The following CNKSR2 variants were observed in gnomAD, a reference collection of about 807,000 sequenced individuals.
CNKSR2 encodes connector enhancer of kinase suppressor of Ras 2, also known as CNK homolog protein 2.
A neutral mutation model predicts 84.4 loss-of-function variants in CNKSR2; 14 were observed. That is an observed-to-expected ratio of 0.17 (90% CI 0.11 to 0.26). The LOEUF (loss-of-function observed/expected upper bound fraction) is 0.26. CNKSR2 is among the 10% of genes least tolerant of loss of function. The probability of loss-of-function intolerance (pLI) is 1.00; values close to 1 mark genes in which losing one functional copy is unlikely to be tolerated. For missense variants in CNKSR2, 485 were observed against 771.2 expected, an observed-to-expected ratio of 0.63 and a Z score of 4.40; for synonymous variants, 275 against 277.9, an observed-to-expected ratio of 0.99 and a Z score of 0.10.
chrX:21,646,042 A>G, intron 20 of CNKSR2: 1 of 111,325 alleles, frequency 9.0e-6, no homozygotes, highest in East Asian at 2.8e-4. Context: ...AATGTTAAGT[A>G]ATTGGTGGCA....
intron 1 of CNKSR2, among the ~76,000 whole-genome samples, chrX:21,387,542 A>G (rs990991207): frequency 1.8e-5 from 2 of 112,074 alleles, no homozygotes; most frequent in African/African-American, 6.5e-5. Flanking sequence ...TAACACTATT[A>G]TCACGCCACC....
At chrX:21,627,627 C>T (rs1022644041) in intron 20 of CNKSR2, among the ~76,000 whole-genome samples, 2 of 111,994 alleles carry the variant, frequency 1.8e-5, no homozygotes, top group South Asian at 7.5e-4. Context: ...ACATGGATGG[C>T]CTCAGGCAAA....
chrX:21,533,372 T>C (rs923576845), intron 11 of CNKSR2, among the ~76,000 whole-genome samples: 3 of 110,598 alleles, frequency 2.7e-5, no homozygotes, highest in African/African-American at 6.5e-5. Context: ...ACTAATTGAC[T>C]GCCTATTACC....
intron 1 of CNKSR2, chrX:21,425,766 C>A (rs1443704294): frequency 2.7e-5 from 3 of 111,559 alleles, no homozygotes; most frequent in African/African-American, 9.8e-5. Flanking sequence ...CAATCTATAG[C>A]CTAGCCAATC....
intron 20 of CNKSR2, among the ~76,000 whole-genome samples, chrX:21,623,941 C>T (rs1682540070): frequency 9.0e-6 from 1 of 111,483 alleles, no homozygotes; most frequent in Admixed American, 9.6e-5. Context: ...AAATTACTTT[C>T]ATGGTTTTAG....
rs1463533131 is a variant in CNKSR2 at position 21,653,322 on chromosome X, C to T, written c.*801C>T. 1.8e-5 allele frequency: 2 copies of T among 110,213 alleles called. No individual in the cohort carries two copies. The highest frequency in any genetic ancestry group is 3.8e-5 in the Non-Finnish European group (2 of 52,859). The allele number at this position is 110,213 out of a possible 1,213,427, so 9.1% of individuals were successfully genotyped here. On this transcript the variant is annotated 3_prime_UTR_variant, in exon 22 of 22. Transcript: ENST00000379510. ...GAATTTGAGAGGGGATTTTTAAAAA[C>T]TGACTTAACACACCCAGAAAGGCAG...
chrX:21,625,876 G>T (rs921511086), intron 20 of CNKSR2, among the ~76,000 whole-genome samples: 2 of 111,674 alleles, frequency 1.8e-5, no homozygotes, highest in Non-Finnish European at 3.8e-5. Context: ...TGTTCAGCTT[G>T]TACCCGCAAA....
chrX:21,471,145 A>G (rs1489679519), intron 5 of CNKSR2, among the ~76,000 whole-genome samples: 2 of 112,101 alleles, frequency 1.8e-5, no homozygotes, highest in South Asian at 3.7e-4. Flanking sequence ...ATTCTGTTCT[A>G]TAATGGGTAA....
chrX:21,374,978 G>A lies in CNKSR2; in HGVS notation c.64+17G>A, dbSNP rs1469060454. 2 of 1,187,837 alleles carry A rather than the reference G, an allele frequency of 1.7e-6. No individual in the cohort carries two copies. The highest frequency in any genetic ancestry group is 2.2e-5 in the Admixed American group (1 of 46,147). The stretch of plus-strand genomic sequence containing the variant: ...GGATGAAAGGTAATGCCCGCTGCGG[G>A]GAGGGTGAGGCGGCACTGGGGCGCG... On this transcript the variant is annotated intron_variant, in intron 1 of 21. Transcript: ENST00000379510.
chrX:21,509,307 T>C (rs1192856096), intron 8 of CNKSR2, among the ~76,000 whole-genome samples: 1 of 112,001 alleles, frequency 8.9e-6, no homozygotes, highest in African/African-American at 3.2e-5. Flanking sequence ...TTCAGGAGGA[T>C]GTGAGATGAA....
At chrX:21,565,317 T>C (rs2092228776) in intron 13 of CNKSR2, among the ~76,000 whole-genome samples, 1 of 111,855 alleles carries the variant, frequency 8.9e-6, no homozygotes, top group Non-Finnish European at 1.9e-5. Flanking sequence ...TTATGAAGTA[T>C]TAAATTAGGG....
intron 11 of CNKSR2, among the ~76,000 whole-genome samples, chrX:21,542,746 T>C (rs2091987226): frequency 8.9e-6 from 1 of 111,986 alleles, no homozygotes; most frequent in African/African-American, 3.2e-5. Flanking sequence ...TGAATGGTCA[T>C]ATTTTATAAG....
intron 5 of CNKSR2, 74 bp downstream of exon 5, chrX:21,470,881 A>G (rs756138740): frequency 1.8e-6 from 1 of 549,629 alleles, no homozygotes; most frequent in Admixed American, 3.5e-5. Flanking sequence ...GTGAACCATA[A>G]GAAAAAAAAT....
intron 13 of CNKSR2, among the ~76,000 whole-genome samples, chrX:21,564,384 G>T (rs1279407265): frequency 9.0e-6 from 1 of 111,674 alleles, no homozygotes. Flanking sequence ...AGGCCATATG[G>T]ATGATGAGAA....
At chrX:21,404,222 G>A (rs1381185251) in intron 1 of CNKSR2, among the ~76,000 whole-genome samples, 2 of 111,537 alleles carry the variant, frequency 1.8e-5, no homozygotes, top group Non-Finnish European at 3.8e-5. Context: ...AAGGAGTAAA[G>A]CAGGAGAAAG....
chrX:21,516,736 G>A, intron 9 of CNKSR2, 105 bp downstream of exon 9: 3 of 700,383 alleles, frequency 4.3e-6, no homozygotes, highest in Non-Finnish European at 6.2e-6. Flanking sequence ...GATTAATCTT[G>A]TATGCTTTTG....
At chrX:21,505,223 A>T (rs1451751166) in intron 8 of CNKSR2, 2 of 117,390 alleles carry the variant, frequency 1.7e-5, no homozygotes, top group African/African-American at 6.4e-5. Flanking sequence ...GGCATATATG[A>T]TGGTTGAATC....
At chrX:21,624,509 T>G in intron 20 of CNKSR2, among the ~76,000 whole-genome samples, 1 of 111,560 alleles carries the variant, frequency 9.0e-6, no homozygotes, top group African/African-American at 3.3e-5. Flanking sequence ...TTTGTTTTTT[T>G]GTTTTTTTGT....
intron 8 of CNKSR2, among the ~76,000 whole-genome samples, chrX:21,509,723 AT>A (rs1233814281): frequency 9.0e-6 from 1 of 111,719 alleles, no homozygotes; most frequent in Non-Finnish European, 1.9e-5. Flanking sequence ...GACTTTTTTT[AT>A]TAATATTTCA....
Sources: gnomAD v4.1 joint callset for allele counts (sites outside exome capture counted in the v4.1 genomes callset) on GRCh38, gnomAD v4.1.1 for gene constraint, MANE v1.5 for transcripts, NCBI Gene and HGNC (gene_info 2026-07-23, HGNC 2026-07-21) for gene names.